PCNX2: variants seen among roughly 807,000 people sequenced by gnomAD.
PCNX2 encodes the protein pecanex 2.
PCNX2 carries 168 observed loss-of-function variants against 223.8 expected under a neutral mutation model. The ratio of observed to expected loss-of-function variants is 0.75; its 90% confidence interval spans 0.66 to 0.85. The LOEUF is 0.85. Ranked by LOEUF, PCNX2 falls within the 40% of genes least tolerant of loss-of-function variation. PCNX2 has a pLI of 0.00. For synonymous variants in PCNX2, 1,006 were observed against 1,052.6 expected (o/e 0.96, Z 0.86); for missense variants, 2,507 against 2,675.5 (o/e 0.94, Z 1.39).
chr1:233,060,108 G>A (rs566323274), intron 23 of PCNX2, among the ~76,000 whole-genome samples: 7 of 152,312 alleles, frequency 4.6e-5, no homozygotes, highest in African/African-American at 1.4e-4. Flanking sequence ...GAAAGGCTGT[G>A]AACCCAAGTA....
intron 25 of PCNX2, among the ~76,000 whole-genome samples, chr1:233,037,501 A>T (rs561168071): frequency 8.4e-6 from 1 of 119,582 alleles, no homozygotes; most frequent in South Asian, 2.4e-4. Flanking sequence ...TACCTGATTG[A>T]TTTTCTTTCT....
At position 233,263,012 on chromosome 1, in the gene PCNX2, G is replaced by T. The variant is rs780714444; in HGVS notation, c.305C>A (p.Pro102Gln). Residue 102 changes from proline to glutamine, a missense_variant, in exon 2 of 34, where the codon CCA (proline) becomes CAA (glutamine). Coordinates refer to ENST00000258229, the MANE Select transcript of PCNX2 (RefSeq NM_014801.4). ...ACCTTTGGCCTCCTTGTCTTTATTT[G>T]GCTTTTCTTCCTTTCTGGAGGGCTT... Reference protein sequence around the residue: ...QQKPSRKEEKPNKDKEAKGEH... With the variant: ...QQKPSRKEEKQNKDKEAKGEH... 8.7e-6 allele frequency: 14 copies of T among 1,613,478 alleles called. No individual in the cohort carries two copies. Among genetic ancestry groups the T allele is most frequent in the Non-Finnish European group, 1.1e-5 (13 of 1,179,784 alleles).
intron 9 of PCNX2, among the ~76,000 whole-genome samples, chr1:233,236,282 C>G (rs1658409918): frequency 6.6e-6 from 1 of 151,954 alleles, no homozygotes. Flanking sequence ...GGCTTTGAAT[C>G]CTTGGCTCTG....
At chr1:233,168,261 T>C (rs1378560923) in intron 17 of PCNX2, among the ~76,000 whole-genome samples, 1 of 152,086 alleles carries the variant, frequency 6.6e-6, no homozygotes, top group Non-Finnish European at 1.5e-5. Context: ...GGAAAATCAT[T>C]CACAATCATT....
chr1:233,195,408 A>G (rs1245212583), intron 15 of PCNX2, among the ~76,000 whole-genome samples: 4 of 152,216 alleles, frequency 2.6e-5, no homozygotes, highest in African/African-American at 4.8e-5. Flanking sequence ...CAAGGCAAAG[A>G]TGTCTGATTT....
the PCNX2 span, among the ~76,000 whole-genome samples, chr1:233,301,752 G>T: frequency 1.3e-5 from 2 of 149,148 alleles, no homozygotes; most frequent in Non-Finnish European, 3.0e-5. Context: ...TAAAAGGAAA[G>T]AATATACTAA....
chr1:233,191,357 T>C (rs1476067267), intron 15 of PCNX2, among the ~76,000 whole-genome samples: 2 of 152,190 alleles, frequency 1.3e-5, no homozygotes, highest in Non-Finnish European at 2.9e-5. Flanking sequence ...AGCATGCATG[T>C]TTCCGTTTCC....
chr1:233,201,325 T>C (rs1681100944), intron 13 of PCNX2, among the ~76,000 whole-genome samples: 1 of 152,106 alleles, frequency 6.6e-6, no homozygotes, highest in African/African-American at 2.4e-5. Context: ...TGTAAAAAAG[T>C]AGAGCATCTG....
At chr1:233,158,921 G>A (rs1678294304) in intron 19 of PCNX2, among the ~76,000 whole-genome samples, 1 of 152,194 alleles carries the variant, frequency 6.6e-6, no homozygotes, top group Non-Finnish European at 1.5e-5. Context: ...ACCTGTTGGG[G>A]TAGGGACTTT....
chr1:233,057,468 A>G (rs1292419035), intron 23 of PCNX2, 178 bp from the exon 24 acceptor site: 1 of 592,990 alleles, frequency 1.7e-6, no homozygotes, highest in Non-Finnish European at 3.1e-6. Flanking sequence ...TAAGAGATAG[A>G]GGGAGCAGTA....
chr1:233,045,351 A>G (rs1171644396), intron 25 of PCNX2, among the ~76,000 whole-genome samples: 2 of 152,224 alleles, frequency 1.3e-5, no homozygotes, highest in African/African-American at 4.8e-5. Flanking sequence ...GTGGTCTTGA[A>G]AGCAATGTGC....
Position 233,033,073 on chromosome 1 carries a change from C to T in PCNX2, c.4352-7674G>A, listed in dbSNP as rs572046746. 92 of 985,438 alleles carry T rather than the reference C, an allele frequency of 9.3e-5. 1 individual carries two copies. In the South Asian group the frequency reaches 3.8e-3, roughly 40 times the overall value. The allele number at this position is 985,438 out of a possible 1,614,324, so 61.0% of individuals were successfully genotyped here. A position where few individuals can be genotyped will look rare whatever the true frequency, so the allele number is the denominator to read the frequency against. ...AATGCTGAAGGTCAACCCGCCCACA[C>T]AGTGTGACCTTTCGAAGCCCCGGCA... On this transcript the variant is annotated intron_variant, in intron 25 of 33. Coordinates refer to ENST00000258229, the MANE Select transcript of PCNX2 (RefSeq NM_014801.4).
intron 1 of PCNX2, among the ~76,000 whole-genome samples, chr1:233,274,866 G>A (rs1350533310): frequency 2.0e-5 from 3 of 152,154 alleles, no homozygotes; most frequent in Non-Finnish European, 2.9e-5. Flanking sequence ...GAGCACAGAA[G>A]GCTAGCGAAA....
At chr1:233,217,681 C>T (rs1454870887) in intron 12 of PCNX2, among the ~76,000 whole-genome samples, 1 of 152,174 alleles carries the variant, frequency 6.6e-6, no homozygotes, top group Non-Finnish European at 1.5e-5. Context: ...TCTCCACCCA[C>T]TGCCCCACAC....
At chr1:233,207,010 A>G (rs1681509280) in intron 13 of PCNX2, among the ~76,000 whole-genome samples, 1 of 144,770 alleles carries the variant, frequency 6.9e-6, no homozygotes, top group South Asian at 2.1e-4. Context: ...GACTCCAACA[A>G]AAAAAAAAAA....
intron 25 of PCNX2, among the ~76,000 whole-genome samples, chr1:233,026,787 T>C (rs1035524966): frequency 2.0e-5 from 3 of 152,072 alleles, no homozygotes; most frequent in Admixed American, 1.3e-4. Flanking sequence ...AGCCTTTGAG[T>C]AGGAGTGAAG....
At chr1:233,037,683 T>C (rs550072126) in intron 25 of PCNX2, among the ~76,000 whole-genome samples, 1 of 152,220 alleles carries the variant, frequency 6.6e-6, no homozygotes, top group East Asian at 1.9e-4. Context: ...CAGTATGCAA[T>C]AGACAAAAAA....
chr1:233,180,790 T>C (rs1679749053), intron 15 of PCNX2: 1 of 152,224 alleles, frequency 6.6e-6, no homozygotes, highest in Non-Finnish European at 1.5e-5. Flanking sequence ...CTGAGGCTGC[T>C]GAGCTGCATG....
rs189749215 is a variant in PCNX2 at position 233,247,647 on chromosome 1, G to A, written c.2222+3092C>T. 9.5e-4 allele frequency among the ~76,000 whole-genome samples: 145 copies of A among 152,144 alleles called. 1 individual carries two copies. In the South Asian group the frequency reaches 0.015, roughly 15 times the overall value. Reference sequence around the variant, plus strand: ...TAATCCCAACACTTTGGGAGGCCAAGGCTGGCGGATCACGAGGTCAGGAGT... The same window carrying A: ...TAATCCCAACACTTTGGGAGGCCAAAGCTGGCGGATCACGAGGTCAGGAGT... On this transcript the variant is annotated intron_variant, in intron 8 of 33. Transcript: ENST00000258229.
Sources: gnomAD v4.1 joint callset for allele counts (sites outside exome capture counted in the v4.1 genomes callset) on GRCh38, gnomAD v4.1.1 for gene constraint, MANE v1.5 for transcripts, NCBI Gene and HGNC (gene_info 2026-07-23, HGNC 2026-07-21) for gene names.